Variants in TFDP2 observed in about 807,000 individuals in gnomAD.
The protein encoded by TFDP2 is transcription factor Dp-2 (E2F dimerization partner 2).
In TFDP2, 17 loss-of-function variants were observed where a neutral mutation model predicts 59.3. That is an observed-to-expected ratio of 0.29 (90% confidence interval 0.20 to 0.43). The LOEUF is 0.43. Among genes scored for constraint, TFDP2 ranks in the 20% least tolerant of loss-of-function variants. TFDP2 has a pLI of 1.00. For synonymous variants in TFDP2, 180 were observed against 194.7 expected (o/e 0.92, Z 0.63); for missense variants, 391 against 528.8 (o/e 0.74, Z 2.56).
At chr3:142,137,968 C>A (rs866869455) in intron 1 of TFDP2, among the ~76,000 whole-genome samples, 2 of 152,108 alleles carry the variant, frequency 1.3e-5, no homozygotes, top group African/African-American at 4.8e-5. Context: ...CCTCTTTGTA[C>A]CTCTGGTAGA....
chr3:142,142,457 C>T (rs2062993923), intron 1 of TFDP2, among the ~76,000 whole-genome samples: 1 of 151,750 alleles, frequency 6.6e-6, no homozygotes, highest in Non-Finnish European at 1.5e-5. Flanking sequence ...AAGAGGACAC[C>T]AAAAAAATGG....
chr3:141,961,080 C>A (rs1363906030), intron 10 of TFDP2, among the ~76,000 whole-genome samples: 1 of 152,108 alleles, frequency 6.6e-6, no homozygotes, highest in Non-Finnish European at 1.5e-5. Flanking sequence ...CAGATTTTCC[C>A]ATCATTCTTT....
At chr3:141,970,624 A>G (rs1939580835) in intron 8 of TFDP2, among the ~76,000 whole-genome samples, 1 of 152,242 alleles carries the variant, frequency 6.6e-6, no homozygotes, top group Admixed American at 6.5e-5. Context: ...AAGAGCCAAG[A>G]TTTGAACCTA....
At chr3:142,021,308 T>C (rs1422450177) in intron 3 of TFDP2, among the ~76,000 whole-genome samples, 2 of 152,144 alleles carry the variant, frequency 1.3e-5, no homozygotes, top group Non-Finnish European at 2.9e-5. Flanking sequence ...TGTGCAAAGA[T>C]AAGGACAGAA....
chr3:142,112,475 T>C (rs2061695698), intron 1 of TFDP2, among the ~76,000 whole-genome samples: 1 of 152,192 alleles, frequency 6.6e-6, no homozygotes, highest in African/African-American at 2.4e-5. Context: ...AACTTCTTAG[T>C]ATATGTGCTT....
chr3:142,073,480 A>T (rs1353546070), intron 3 of TFDP2, among the ~76,000 whole-genome samples: 10 of 122,810 alleles, frequency 8.1e-5, no homozygotes, highest in Non-Finnish European at 1.0e-4. Flanking sequence ...CGCAAAAAAA[A>T]AAAATAAAAA....
intron 7 of TFDP2, among the ~76,000 whole-genome samples, chr3:141,974,840 A>T (rs1368263042): frequency 6.6e-6 from 1 of 151,532 alleles, no homozygotes; most frequent in Non-Finnish European, 1.5e-5. Context: ...AGGAACTTGT[A>T]CCAAAATATA....
intron 1 of TFDP2, among the ~76,000 whole-genome samples, chr3:142,120,164 C>T (rs1329147718): frequency 6.7e-6 from 1 of 149,158 alleles, no homozygotes; most frequent in Non-Finnish European, 1.5e-5. Flanking sequence ...AGATCAAGAC[C>T]ATCCTGGCCA....
At chr3:142,007,700 GAGTGATGGGA>G (rs1296831414) in intron 3 of TFDP2, among the ~76,000 whole-genome samples, 3 of 152,178 alleles carry the variant, frequency 2.0e-5, no homozygotes, top group Non-Finnish European at 2.9e-5. Context: ...TCCCATCTGG[GAGTGATGGGA>G]GATAGTGACA....
At chr3:142,051,474 G>C (rs942950266) in intron 3 of TFDP2, among the ~76,000 whole-genome samples, 2 of 151,790 alleles carry the variant, frequency 1.3e-5, no homozygotes, top group African/African-American at 2.4e-5. Context: ...GGGAGGCGGA[G>C]GTTGCACCAC....
chr3:142,051,201 A>G (rs1947607429), intron 3 of TFDP2, among the ~76,000 whole-genome samples: 9 of 152,082 alleles, frequency 5.9e-5, no homozygotes, highest in Admixed American at 5.9e-4. Flanking sequence ...CTCTACCTCT[A>G]CCCAGGGGCA....
chr3:141,967,287 AGTTTTTT>A (rs1938243977), intron 9 of TFDP2, among the ~76,000 whole-genome samples: 2 of 149,112 alleles, frequency 1.3e-5, no homozygotes, highest in South Asian at 2.1e-4. Flanking sequence ...GGAGGAAATA[AGTTTTTT>A]GTTTTTTTTT....
At chr3:141,993,199 C>CAAAAAAA (rs71856030) in intron 6 of TFDP2, among the ~76,000 whole-genome samples, 26,539 of 143,188 alleles carry the variant, frequency 0.19, 5,792 homozygotes, top group African/African-American at 0.55. Context: ...GACTTCATCT[C>CAAAAAAA]AAAAAAAAGA....
chr3:141,971,362 CCT>C (rs1939706932), intron 8 of TFDP2, among the ~76,000 whole-genome samples: 1 of 138,176 alleles, frequency 7.2e-6, no homozygotes, highest in African/African-American at 2.8e-5. Flanking sequence ...TAAGGTGAAA[CCT>C]CGTCTCTACT....
chr3:142,132,669 C>T (rs956742008), intron 1 of TFDP2, among the ~76,000 whole-genome samples: 1 of 146,658 alleles, frequency 6.8e-6, no homozygotes, highest in African/African-American at 2.7e-5. Context: ...CGCTTGCACC[C>T]GGGAGGCAGA....
At chr3:141,988,481 T>C (rs1313552146) in intron 6 of TFDP2, among the ~76,000 whole-genome samples, 1 of 151,720 alleles carries the variant, frequency 6.6e-6, no homozygotes, top group East Asian at 1.9e-4. Flanking sequence ...CTTTCTGAGG[T>C]TCTTCCTGAT....
intron 4 of TFDP2, chr3:141,995,362 G>C (rs980516391): frequency 2.6e-6 from 1 of 378,716 alleles, no homozygotes; most frequent in African/African-American, 2.1e-5. Flanking sequence ...CACAATGCAG[G>C]TTTCAGCAAA....
At chr3:142,073,069 T>C (rs1035096977) in intron 3 of TFDP2, among the ~76,000 whole-genome samples, 5 of 152,258 alleles carry the variant, frequency 3.3e-5, no homozygotes, top group Non-Finnish European at 7.4e-5. Context: ...TGATAAGTCA[T>C]GTTGATAGTA....
chr3:141,977,104 ATATTTTT>A (rs1288676356), intron 7 of TFDP2, among the ~76,000 whole-genome samples: 1 of 90,908 alleles, frequency 1.1e-5, no homozygotes, highest in Non-Finnish European at 2.3e-5. Context: ...ATATATATAT[ATATTTTT>A]TTTTTTTTTT....
Sources: allele counts gnomAD v4.1 joint callset (sites outside exome capture counted in the v4.1 genomes callset), GRCh38; gene constraint gnomAD v4.1.1; transcripts MANE v1.5; gene names NCBI Gene and HGNC (gene_info 2026-07-23, HGNC 2026-07-21).